Variants in DNAAF11 observed in about 807,000 individuals in gnomAD.
DNAAF11 encodes dynein axonemal assembly factor 11.
DNAAF11 carries 45 observed loss-of-function variants against 60.8 expected under a neutral mutation model. The observed-to-expected ratio is 0.74, with a 90% CI of 0.58 to 0.95. The LOEUF is 0.95. DNAAF11 is among the 40% of genes least tolerant of loss of function. The probability of loss-of-function intolerance (pLI) is 0.00; values close to 1 mark genes in which losing one functional copy is unlikely to be tolerated. For missense variants in DNAAF11, 546 were observed against 546.2 expected, an observed-to-expected ratio of 1.00 and a Z score of 0.00; for synonymous variants, 191 against 183.5, an observed-to-expected ratio of 1.04 and a Z score of -0.33.
At chr8:132,574,522 A>T (rs567608629) in intron 11 of DNAAF11, among the ~76,000 whole-genome samples, 1 of 152,316 alleles carries the variant, frequency 6.6e-6, no homozygotes, top group South Asian at 2.1e-4. Context: ...GTTGCAACCC[A>T]TTGCAGGAGG....
intron 10 of DNAAF11, among the ~76,000 whole-genome samples, chr8:132,604,161 C>G (rs1817915242): frequency 6.6e-6 from 1 of 152,102 alleles, no homozygotes; most frequent in Non-Finnish European, 1.5e-5. Flanking sequence ...ACAAGAAAAC[C>G]TAGCAAGATG....
At chr8:132,604,319 T>C (rs1274719885) in intron 10 of DNAAF11, among the ~76,000 whole-genome samples, 3 of 152,196 alleles carry the variant, frequency 2.0e-5, no homozygotes, top group Non-Finnish European at 4.4e-5. Context: ...TTTTTAGAAG[T>C]ATGGTCTGTA....
chr8:132,683,063 A>T, the DNAAF11 span, among the ~76,000 whole-genome samples: 27 of 152,302 alleles, frequency 1.8e-4, no homozygotes, highest in South Asian at 4.1e-4. Flanking sequence ...TGAGGTTTGG[A>T]GGGGAAAAAA....
chr8:132,570,734 CACT>C lies in DNAAF11; in HGVS notation c.*1569_*1571del, dbSNP rs1814104050. 6.6e-6 allele frequency among the ~76,000 whole-genome samples: 1 copy of C among 152,216 alleles called. No individual in the cohort carries two copies. On this transcript the variant is annotated 3_prime_UTR_variant, in exon 12 of 12. Coordinates refer to ENST00000620350, the MANE Select transcript of DNAAF11 (RefSeq NM_012472.6). ...GCTGCAGCTGATCCTTGATCTCCAC[CACT>C]GTGTGTCCATCCCATCTTTCTTACC... is the stretch of plus-strand genomic sequence containing the variant.
In DNAAF11 at chr8:132,570,511, C is replaced by G. The variant is rs1055883747; in HGVS notation, c.*1795G>C. On this transcript the variant is annotated 3_prime_UTR_variant, in exon 12 of 12. Transcript: ENST00000620350. ...ATGTGGAAATTAAATACAGTCCTGA[C>G]AAATGTACATGATTTCCAAGTTGGT... 6.6e-6 allele frequency among the ~76,000 whole-genome samples: 1 copy of G among 152,164 alleles called. No individual in the cohort carries two copies. The highest frequency in any genetic ancestry group is 1.5e-5 in the Non-Finnish European group (1 of 68,034).
intron 3 of DNAAF11, among the ~76,000 whole-genome samples, chr8:132,654,620 A>C (rs767930109): frequency 3.0e-4 from 46 of 152,088 alleles, no homozygotes; most frequent in Middle Eastern, 3.4e-3. Context: ...CAGTAAAATG[A>C]GAAAATGTGG....
rs1819877332 is a variant in DNAAF11 at position 132,622,665 on chromosome 8, G to C, written c.860C>G (p.Pro287Arg). The change falls in exon 7 of 12, where the codon CCA (proline) becomes CGA (arginine). Residue 287 changes from proline (P) to arginine (R), a missense_variant. Transcript: ENST00000620350. ...ATCTTCAGTGATCAAAGTCCTGGGT[G>C]GTTTCACTTTCTTCTTTTTTTCACT... is the stretch of plus-strand genomic sequence containing the variant. Reference protein sequence around the residue: ...KLSEKKKKVKPPRTLITEDGK... With the variant: ...KLSEKKKKVKRPRTLITEDGK... The C allele has an allele frequency of 4.3e-6, 7 of 1,613,056 alleles. No homozygotes were observed. Among genetic ancestry groups the C allele is most frequent in the Non-Finnish European group, 5.9e-6 (7 of 1,179,528 alleles).
intron 3 of DNAAF11, among the ~76,000 whole-genome samples, chr8:132,649,542 T>C (rs1015355240): frequency 2.7e-4 from 41 of 152,034 alleles, no homozygotes; most frequent in East Asian, 7.7e-4. Flanking sequence ...TAAAGAGCTT[T>C]TGCACAGCAA....
chr8:132,603,713 C>A (rs1394804910), intron 10 of DNAAF11, among the ~76,000 whole-genome samples: 3 of 151,734 alleles, frequency 2.0e-5, no homozygotes, highest in Non-Finnish European at 2.9e-5. Context: ...ATGAAGTGGA[C>A]CAGGGCGGTA....
rs564930069 is a variant in DNAAF11, at chr8:132,604,018, A to G, written c.1140+6148T>C. ...AAATGCAGATAGGTTGGTAGCCATT[A>G]TGGTTAAAGTTTGTGGAAATTATCT... On this transcript the variant is annotated intron_variant, in intron 10 of 11. Transcript: ENST00000620350. 2.6e-4 allele frequency among the ~76,000 whole-genome samples: 39 copies of G among 152,292 alleles called. 1 individual carries two copies. The South Asian group carries it at 7.7e-3, about 30-fold the overall frequency.
the DNAAF11 span, among the ~76,000 whole-genome samples, chr8:132,698,937 C>CATAT: frequency 2.8e-5 from 4 of 142,970 alleles, no homozygotes; most frequent in South Asian, 4.4e-4. Flanking sequence ...TATATGTATA[C>CATAT]ATATATATAT....
At chr8:132,700,107 C>T in the DNAAF11 span, among the ~76,000 whole-genome samples, 4 of 152,012 alleles carry the variant, frequency 2.6e-5, no homozygotes, top group African/African-American at 4.8e-5. Context: ...AAATGTTATG[C>T]CATATGAATT....
rs368741569 is a variant in DNAAF11 at position 132,602,926 on chromosome 8, T to C, written c.1140+7240A>G. Among the ~76,000 whole-genome samples the C allele has an allele frequency of 5.9e-5, 9 of 152,210 alleles. No individual in the cohort carries two copies. In the East Asian group the frequency reaches 1.2e-3, roughly 20 times the overall value. ...TCAAGCTCAAGTCCAAGTTAGATAGTGTGAAGACAGGCTGTGAGGCCTTCT... is the reference window on the plus strand; with the variant it reads ...TCAAGCTCAAGTCCAAGTTAGATAGCGTGAAGACAGGCTGTGAGGCCTTCT... On this transcript the variant is annotated intron_variant, in intron 10 of 11. Coordinates refer to ENST00000620350, the MANE Select transcript of DNAAF11 (RefSeq NM_012472.6).
intron 10 of DNAAF11, among the ~76,000 whole-genome samples, chr8:132,588,342 T>C (rs1563980565): frequency 1.3e-5 from 2 of 152,178 alleles, no homozygotes; most frequent in Non-Finnish European, 2.9e-5. Context: ...GAGTTTAGCC[T>C]GGCTTCTTAA....
intron 10 of DNAAF11, among the ~76,000 whole-genome samples, chr8:132,584,252 C>T (rs1815647073): frequency 6.6e-6 from 1 of 152,050 alleles, no homozygotes; most frequent in African/African-American, 2.4e-5. Flanking sequence ...TCTGAAAGGC[C>T]CCTTTTTGGT....
At chr8:132,673,467 C>G (rs1217109148) in intron 1 of DNAAF11, among the ~76,000 whole-genome samples, 1 of 152,164 alleles carries the variant, frequency 6.6e-6, no homozygotes, top group Non-Finnish European at 1.5e-5. Context: ...AAGCTATGCC[C>G]ATGAACAAAA....
chr8:132,680,199 C>A (rs375617959), upstream of DNAAF11, among the ~76,000 whole-genome samples: 1 of 152,342 alleles, frequency 6.6e-6, no homozygotes, highest in Non-Finnish European at 1.5e-5. Context: ...GTTCATTTCA[C>A]TCAAAGTGGA....
At chr8:132,605,907 G>A (rs1002188615) in intron 10 of DNAAF11, among the ~76,000 whole-genome samples, 3 of 152,070 alleles carry the variant, frequency 2.0e-5, no homozygotes, top group South Asian at 4.2e-4. Flanking sequence ...GCAATGACTA[G>A]GAAGGAAGTG....
At chr8:132,625,840 CCTGGGAAT>C (rs1820218075) in intron 5 of DNAAF11, among the ~76,000 whole-genome samples, 1 of 152,090 alleles carries the variant, frequency 6.6e-6, no homozygotes, top group Non-Finnish European at 1.5e-5. Context: ...AGATCTGAAG[CCTGGGAAT>C]CTGTGTTTTA....
Sources: gnomAD v4.1 joint callset for allele counts (sites outside exome capture counted in the v4.1 genomes callset) on GRCh38, gnomAD v4.1.1 for gene constraint, MANE v1.5 for transcripts, NCBI Gene and HGNC (gene_info 2026-07-23, HGNC 2026-07-21) for gene names.